CEP83: variants seen among roughly 807,000 people sequenced by gnomAD.
CEP83 encodes the protein centrosomal protein of 83 kDa.
CEP83 carries 70 observed loss-of-function variants against 101.9 expected under a neutral mutation model. The observed-to-expected ratio is 0.69, with a 90% CI of 0.57 to 0.84. The LOEUF is 0.84. Ranked by LOEUF, CEP83 falls within the 40% of genes least tolerant of loss-of-function variation. The probability of loss-of-function intolerance (pLI) is 0.00; values close to 1 mark genes in which losing one functional copy is unlikely to be tolerated. For missense variants in CEP83, 715 were observed against 787.2 expected (o/e 0.91, Z 1.10); for synonymous variants, 264 against 267.9 (o/e 0.99, Z 0.14).
chr12:94,267,672 T>C, the CEP83 span, among the ~76,000 whole-genome samples: 2 of 152,320 alleles, frequency 1.3e-5, no homozygotes, highest in African/African-American at 4.8e-5. Context: ...CCTTTCATGG[T>C]TGGCAGTTGT....
chr12:94,376,506 A>G (rs915041889), intron 7 of CEP83, among the ~76,000 whole-genome samples: 2 of 152,182 alleles, frequency 1.3e-5, no homozygotes, highest in Middle Eastern at 3.4e-3. Flanking sequence ...GCTCATCTGC[A>G]GACTTTTTAA....
chr12:94,411,742 T>A lies in CEP83; in HGVS notation c.279A>T (p.Gly93=). ...KLQLLLEELR[G]ELVEKTKDLE... is the part of the protein sequence containing the mutation. ...AATCTTTAGTTTTCTCTACTAATTC[T>A]CCTCTTAGTTCTTCAAGCAGGAGCT... The change falls in exon 4 of 17, where the codon GGA becomes GGT. Residue 93 remains glycine (G), a synonymous_variant. Coordinates refer to ENST00000397809, the MANE Select transcript of CEP83 (RefSeq NM_016122.3). 2 of 1,610,318 alleles carry A rather than the reference T, an allele frequency of 1.2e-6. No homozygotes were observed. Among genetic ancestry groups the A allele is most frequent in the Non-Finnish European group, 1.7e-6 (2 of 1,177,792 alleles).
the CEP83 span, among the ~76,000 whole-genome samples, chr12:94,291,869 T>C: frequency 3.3e-5 from 5 of 152,184 alleles, no homozygotes; most frequent in Non-Finnish European, 7.4e-5. Flanking sequence ...CCAGTGAACG[T>C]AGTACCCAAC....
Position 94,346,443 on chromosome 12 carries a change from G to A in CEP83, c.1344-10779C>T, listed in dbSNP as rs957816698. On this transcript the variant is annotated intron_variant, in intron 11 of 16. Coordinates refer to ENST00000397809, the MANE Select transcript of CEP83 (RefSeq NM_016122.3). ...AGCCTGGGTGACAGAGCGAGACGCC[G>A]TCTCAAAAAAAAAAAAAAAATCCTC... 6.7e-5 allele frequency among the ~76,000 whole-genome samples: 9 copies of A among 135,088 alleles called. No individual in the cohort carries two copies. The East Asian group carries it at 1.1e-3, about 16-fold the overall frequency. The allele number at this position is 135,088 out of a possible 152,430, so 88.6% of individuals were successfully genotyped here. A position where few individuals can be genotyped will look rare whatever the true frequency, so the allele number is the denominator to read the frequency against.
intron 12 of CEP83, among the ~76,000 whole-genome samples, chr12:94,334,227 A>T (rs1418864165): frequency 1.3e-5 from 2 of 152,172 alleles, no homozygotes; most frequent in Admixed American, 1.3e-4. Context: ...CAGAAGAAAG[A>T]TGCTCTGGGA....
chr12:94,290,041 G>C, the CEP83 span, among the ~76,000 whole-genome samples: 5 of 152,296 alleles, frequency 3.3e-5, no homozygotes, highest in Non-Finnish European at 7.4e-5. Context: ...TTATCAGAAG[G>C]CCCATCCGAG....
chr12:94,447,463 C>T (rs1324199305), intron 1 of CEP83, among the ~76,000 whole-genome samples: 1 of 152,018 alleles, frequency 6.6e-6, no homozygotes, highest in Non-Finnish European at 1.5e-5. Flanking sequence ...CAAGATCGCA[C>T]TATTGCACTC....
At chr12:94,318,408 C>A (rs969308548) in intron 14 of CEP83, among the ~76,000 whole-genome samples, 3 of 152,104 alleles carry the variant, frequency 2.0e-5, no homozygotes, top group African/African-American at 2.4e-5. Flanking sequence ...TTATTTCTTT[C>A]TTTCTCTTGC....
chr12:94,297,324 A>G, the CEP83 span: 4 of 1,613,954 alleles, frequency 2.5e-6, no homozygotes, highest in East Asian at 4.5e-5. Context: ...AGATTTTACC[A>G]GATTCGGAAG....
intron 6 of CEP83, among the ~76,000 whole-genome samples, chr12:94,392,655 GAGAT>G (rs2062625366): frequency 1.3e-5 from 2 of 152,194 alleles, no homozygotes; most frequent in South Asian, 4.1e-4. Context: ...AGAATTGAAA[GAGAT>G]AGAGACACAA....
the CEP83 span, among the ~76,000 whole-genome samples, chr12:94,300,133 C>T: frequency 1.3e-5 from 2 of 152,268 alleles, no homozygotes; most frequent in Middle Eastern, 3.4e-3. Flanking sequence ...GATATAGTAA[C>T]AAAACAGATG....
chr12:94,344,510 C>T (rs1420910625), intron 11 of CEP83, among the ~76,000 whole-genome samples: 3 of 152,034 alleles, frequency 2.0e-5, no homozygotes, highest in Non-Finnish European at 4.4e-5. Context: ...TTAGTAAAGT[C>T]ACAGGATTCA....
chr12:94,329,702 A>G (rs985833244), intron 14 of CEP83, among the ~76,000 whole-genome samples: 1 of 152,196 alleles, frequency 6.6e-6, no homozygotes, highest in Non-Finnish European at 1.5e-5. Flanking sequence ...AGTGCAAACA[A>G]AAATCAGTAG....
chr12:94,406,835 T>G (rs974128155), intron 4 of CEP83, among the ~76,000 whole-genome samples: 2 of 149,490 alleles, frequency 1.3e-5, no homozygotes, highest in Admixed American at 6.7e-5. Flanking sequence ...GCTAAGGCAG[T>G]AGAATGGTAT....
chr12:94,306,129 C>T (rs1408154620), downstream of CEP83: 2 of 151,856 alleles, frequency 1.3e-5, no homozygotes, highest in Non-Finnish European at 2.9e-5. Context: ...TTGATCAGAA[C>T]GATCTGTGGA....
chr12:94,318,113 AATTATCATTGTAGAGATCATT>A lies in CEP83; in HGVS notation c.1708-5117_1708-5097del, dbSNP rs376226046. On this transcript the variant is annotated intron_variant, in intron 14 of 16. Coordinates refer to ENST00000397809, the MANE Select transcript of CEP83 (RefSeq NM_016122.3). ...CTGATTTGTCTAAGCAGTGTTTTAT[AATTATCATTGTAGAGATCATT>A]CACCCACATTTAGCTGTATTCCTAG... is the stretch of plus-strand genomic sequence containing the variant. 7.9e-4 allele frequency among the ~76,000 whole-genome samples: 120 copies of A among 152,188 alleles called. 1 individual carries two copies. The East Asian group carries it at 0.022, about 28-fold the overall frequency.
the CEP83 span, chr12:94,297,271 C>T: frequency 6.2e-7 from 1 of 1,612,688 alleles, no homozygotes; most frequent in Middle Eastern, 1.7e-4. Flanking sequence ...CCTTCTGTAG[C>T]AAGAGTGGTC....
chr12:94,379,023 T>C lies in CEP83; in HGVS notation c.569A>G (p.Asp190Gly), dbSNP rs2061696691. The C allele has an allele frequency of 1.9e-6, 3 of 1,609,182 alleles. No homozygotes were observed. The highest frequency in any genetic ancestry group is 1.3e-5 in the African/African-American group (1 of 74,716). The part of the protein sequence containing the change: ...YESEIARLEE[D>G]KEELRNQLLN... ...CAGCTGGTTACGTAGTTCTTCTTTA[T>C]CTTCCTCCAGTCTTGCAATCTAATA... The change falls in exon 7 of 17, where the codon GAT (aspartate) becomes GGT (glycine). Residue 190 changes from aspartate (D) to glycine (G), a missense_variant. Physicochemically the swap from Asp to Gly is moderately conservative, Grantham distance 94 (BLOSUM62 -1). Transcript: ENST00000397809.
chr12:94,334,770 CCATGTAGAACTATT>C (rs1362205730), intron 12 of CEP83, among the ~76,000 whole-genome samples: 15 of 152,072 alleles, frequency 9.9e-5, no homozygotes, highest in Admixed American at 9.8e-4. Flanking sequence ...ATAAATTTAT[CCATGTAGAACTATT>C]CACTCTTTAT....
Sources: allele counts gnomAD v4.1 joint callset (sites outside exome capture counted in the v4.1 genomes callset), GRCh38; gene constraint gnomAD v4.1.1; transcripts MANE v1.5; gene names NCBI Gene and HGNC (gene_info 2026-07-23, HGNC 2026-07-21).